The following ADAM20 variants were observed in gnomAD, a reference collection of about 807,000 sequenced individuals.
The protein encoded by ADAM20 is disintegrin and metalloproteinase domain-containing protein 20.
For missense variants in ADAM20, 871 were observed against 883.2 expected (o/e 0.99, Z 0.18); for synonymous variants, 305 against 310.2 (o/e 0.98, Z 0.18).
At chr14:70,535,296 T>A (rs1455503914), upstream of ADAM20, among the ~76,000 whole-genome samples, 1 of 152,190 alleles carries the variant, frequency 6.6e-6, no homozygotes, top group Non-Finnish European at 1.5e-5. Flanking sequence ...AATCTCTCCT[T>A]TGTTTTAACC....
At chr14:70,557,812 C>G in the ADAM20 span, among the ~76,000 whole-genome samples, 1 of 151,524 alleles carries the variant, frequency 6.6e-6, no homozygotes, top group African/African-American at 2.4e-5. Flanking sequence ...TTATGTGTGG[C>G]CCAAGATAAT....
At chr14:70,567,056 A>G in the ADAM20 span, among the ~76,000 whole-genome samples, 2,721 of 151,796 alleles carry the variant, frequency 0.018, 78 homozygotes, top group African/African-American at 0.061. Flanking sequence ...ACTGTTGGGA[A>G]CCCCTCTGTC....
the ADAM20 span, among the ~76,000 whole-genome samples, chr14:70,554,359 G>C: frequency 1.2e-4 from 18 of 152,202 alleles, no homozygotes; most frequent in African/African-American, 3.9e-4. Context: ...CTACTAACTA[G>C]AACAATTAAC....
In ADAM20 at chr14:70,522,467, T is replaced by A. The variant is rs1012546789; in HGVS notation, c.*110A>T. The stretch of plus-strand genomic sequence containing the variant: ...ATGCTTGCAATCCTGACATGAAATG[T>A]CCATGAAGTTTTATTTAAACAGTGA... On this transcript the variant is annotated 3_prime_UTR_variant, in exon 2 of 2. Coordinates refer to ENST00000256389, the MANE Select transcript of ADAM20 (RefSeq NM_003814.5). 85 of 1,108,188 alleles carry A rather than the reference T, an allele frequency of 7.7e-5. No individual in the cohort carries two copies. Among genetic ancestry groups the A allele is most frequent in the Non-Finnish European group, 1.0e-4 (82 of 797,822 alleles). 68.6% of individuals were successfully genotyped at this position (1,108,188 alleles called of 1,614,324 possible).
At chr14:70,556,103 AGCCGGAAG>A in the ADAM20 span, 1 of 152,314 alleles carries the variant, frequency 6.6e-6, no homozygotes, top group Non-Finnish European at 1.5e-5. Flanking sequence ...AAACATGTGC[AGCCGGAAG>A]GCTGCAGCAG....
At chr14:70,525,037 G>A in intron 1 of ADAM20, 104 bp from the exon 2 acceptor site, 1 of 1,007,594 alleles carries the variant, frequency 9.9e-7, no homozygotes, top group Non-Finnish European at 1.4e-6. Context: ...GCAATAAAAT[G>A]CATTAGGATT....
chr14:70,556,644 T>A, the ADAM20 span: 1 of 152,232 alleles, frequency 6.6e-6, no homozygotes, highest in Non-Finnish European at 1.5e-5. Context: ...ATAACGTGGA[T>A]TTGAACTGTA....
chr14:70,557,622 G>C, the ADAM20 span: 1 of 152,240 alleles, frequency 6.6e-6, no homozygotes, highest in Non-Finnish European at 1.5e-5. Context: ...TTTGGAAAGA[G>C]AAGATAGTGC....
the ADAM20 span, among the ~76,000 whole-genome samples, chr14:70,563,648 G>A: frequency 2.0e-5 from 3 of 152,138 alleles, no homozygotes; most frequent in South Asian, 6.2e-4. Context: ...TGGCTCTGTG[G>A]TATCCTTGTA....
At chr14:70,559,498 C>A in the ADAM20 span, among the ~76,000 whole-genome samples, 1 of 152,210 alleles carries the variant, frequency 6.6e-6, no homozygotes, top group South Asian at 2.1e-4. Flanking sequence ...ACTCGACACT[C>A]AATTCCCATA....
At chr14:70,554,822 A>G in the ADAM20 span, among the ~76,000 whole-genome samples, 1 of 152,194 alleles carries the variant, frequency 6.6e-6, no homozygotes, top group Non-Finnish European at 1.5e-5. Flanking sequence ...GGTTCTTGGC[A>G]TCTTGAAAAA....
the ADAM20 span, among the ~76,000 whole-genome samples, chr14:70,576,872 G>C: frequency 2.6e-5 from 4 of 152,164 alleles, no homozygotes; most frequent in Non-Finnish European, 4.4e-5. Flanking sequence ...CTAGGATTAA[G>C]CTGCCTTCAC....
chr14:70,533,532 T>C (rs1883759915), intron 1 of ADAM20, among the ~76,000 whole-genome samples: 1 of 152,018 alleles, frequency 6.6e-6, no homozygotes. Context: ...CTCTCACTCA[T>C]AAGTGGGAGT....
Position 70,524,729 on chromosome 14 carries a change from A to C in ADAM20, c.29T>G (p.Ile10Ser). The C allele has an allele frequency of 1.2e-6, 2 of 1,613,966 alleles. No homozygotes were observed. The highest frequency in any genetic ancestry group is 1.7e-6 in the Non-Finnish European group (2 of 1,179,930). ...CCAGAGCAGCAGAAGAGTGACCCTG[A>C]TGTGCACCAGGGGCTCACCCACTGC... The part of the protein sequence containing the change: MAVGEPLVH[I>S]RVTLLLLWFG... The change falls in exon 2 of 2, where the codon ATC becomes AGC. Residue 10 changes from isoleucine (I) to serine (S), a missense_variant. By Grantham distance (142) the Ile-to-Ser change is moderately radical. Coordinates refer to ENST00000256389, the MANE Select transcript of ADAM20 (RefSeq NM_003814.5).
At chr14:70,570,762 C>CA in the ADAM20 span, among the ~76,000 whole-genome samples, 2 of 151,118 alleles carry the variant, frequency 1.3e-5, no homozygotes, top group Non-Finnish European at 2.9e-5. Flanking sequence ...ATTCATTCTA[C>CA]AAAACTAGCA....
At position 70,523,418 on chromosome 14, in the gene ADAM20, C is replaced by T. The variant is rs1269396055; in HGVS notation, c.1340G>A (p.Cys447Tyr). The T allele has an allele frequency of 1.2e-6, 2 of 1,614,038 alleles. No individual in the cohort carries two copies. Among genetic ancestry groups the T allele is most frequent in the Admixed American group, 1.7e-5 (1 of 59,990 alleles). ...GTCTTTGCAACATATTCCAAAAGCA[C>T]AAGCAGCCCCAGGATGTAGAGTACA... ...LNCTLHPGAA[C>Y]AFGICCKDCK... is the part of the protein sequence containing the mutation. Residue 447 changes from cysteine to tyrosine, a missense_variant, in exon 2 of 2, where the codon TGT becomes TAT. Coordinates refer to ENST00000256389, the MANE Select transcript of ADAM20 (RefSeq NM_003814.5).
At chr14:70,576,813 A>G in the ADAM20 span, among the ~76,000 whole-genome samples, 1 of 152,204 alleles carries the variant, frequency 6.6e-6, no homozygotes, top group Admixed American at 6.5e-5. Flanking sequence ...TGAAACACTT[A>G]CAAAAATAAA....
rs1883491536 is a variant in ADAM20, at chr14:70,523,119, C to A, written c.1639G>T (p.Val547Leu). ...CAACATTTTACATATGTTGTGCCTA[C>A]AATACCACAGTGACCGAAACGGTTT... is the stretch of plus-strand genomic sequence containing the variant. Reference protein sequence around the residue: ...QGNRFGHCGIVGTTYVKCWTP... With the variant: ...QGNRFGHCGILGTTYVKCWTP... The change falls in exon 2 of 2, where the codon GTA (valine) becomes TTA (leucine). Residue 547 changes from valine to leucine, a missense_variant. Val to Leu is a conservative substitution (Grantham distance 32). Transcript: ENST00000256389. The A allele has an allele frequency of 4.3e-6, 7 of 1,614,022 alleles. No homozygotes were observed. Among genetic ancestry groups the A allele is most frequent in the African/African-American group, 1.3e-5 (1 of 75,042 alleles).
the ADAM20 span, among the ~76,000 whole-genome samples, chr14:70,561,623 G>C: frequency 6.6e-6 from 1 of 152,234 alleles, no homozygotes; most frequent in Admixed American, 6.5e-5. Flanking sequence ...TGGTTTTCTG[G>C]GCAAGGCCCA....
Sources: allele counts gnomAD v4.1 joint callset (sites outside exome capture counted in the v4.1 genomes callset), GRCh38; gene constraint gnomAD v4.1.1; transcripts MANE v1.5; gene names NCBI Gene and HGNC (gene_info 2026-07-23, HGNC 2026-07-21).